SCGB2B2: variants seen among roughly 807,000 people sequenced by gnomAD.
The protein encoded by SCGB2B2 is secretoglobin-like protein.
Under a neutral mutation model 7.6 loss-of-function variants are expected in SCGB2B2, and 11 were observed. The ratio of observed to expected loss-of-function variants is 1.45; its 90% confidence interval spans 0.91 to 2.40. SCGB2B2 has a LOEUF of 2.40. Among genes scored for constraint, SCGB2B2 ranks in the 30% most tolerant of loss-of-function variants. The pLI is 0.00. For synonymous variants in SCGB2B2, 50 were observed against 48.6 expected (o/e 1.03, Z -0.12); for missense variants, 104 against 115.4 (o/e 0.90, Z 0.45).
chr19:34,666,425 T>C (rs1347167304), intron 1 of SCGB2B2, among the ~76,000 whole-genome samples: 1 of 151,930 alleles, frequency 6.6e-6, no homozygotes, highest in African/African-American at 2.4e-5. Flanking sequence ...TCGCCCCACA[T>C]ACAATGTGAC....
At chr19:34,647,990 T>C (rs2067066962) in intron 1 of SCGB2B2, among the ~76,000 whole-genome samples, 1 of 152,112 alleles carries the variant, frequency 6.6e-6, no homozygotes, top group Non-Finnish European at 1.5e-5. Flanking sequence ...ATGGCCAGTG[T>C]ACCTGGAACA....
chr19:34,606,771 CAGTT>C (rs1271496820), intron 1 of SCGB2B2, among the ~76,000 whole-genome samples: 9 of 150,722 alleles, frequency 6.0e-5, no homozygotes, highest in Non-Finnish European at 8.8e-5. Flanking sequence ...ATCTCTCACT[CAGTT>C]AATTTATAAA....
intron 1 of SCGB2B2, among the ~76,000 whole-genome samples, chr19:34,631,498 A>T (rs2066534311): frequency 6.6e-6 from 1 of 152,182 alleles, no homozygotes; most frequent in Admixed American, 6.5e-5. Flanking sequence ...ACAATGACTA[A>T]TTTAAAATTG....
In SCGB2B2 at chr19:34,613,350, T is replaced by C. The variant is rs750953563; in HGVS notation, c.-2031-16756A>G. 1.3e-3 allele frequency among the ~76,000 whole-genome samples: 194 copies of C among 152,278 alleles called. 1 individual carries two copies. Among genetic ancestry groups the C allele is most frequent in the Non-Finnish European group, 2.4e-3 (161 of 67,994 alleles). On this transcript the variant is annotated intron_variant, in intron 1 of 3. Coordinates refer to ENST00000601241, the MANE Select transcript of SCGB2B2 (RefSeq NM_001025591.4). The stretch of plus-strand genomic sequence containing the variant: ...CTGACCTCAAGTGATCTGTCCCCCT[T>C]GGCCTCCCAAAGTGCTGGGATTACA...
chr19:34,601,536 C>T (rs1216733894), intron 1 of SCGB2B2, among the ~76,000 whole-genome samples: 7 of 152,146 alleles, frequency 4.6e-5, no homozygotes, highest in Admixed American at 4.6e-4. Flanking sequence ...TATCTCTGTA[C>T]CACTCATATG....
intron 1 of SCGB2B2, among the ~76,000 whole-genome samples, chr19:34,625,150 T>C (rs866556106): frequency 2.6e-5 from 4 of 152,158 alleles, no homozygotes; most frequent in Admixed American, 2.0e-4. Flanking sequence ...GGAGCCAAGA[T>C]GGCCGAATAA....
chr19:34,599,468 G>C (rs2065556181), intron 1 of SCGB2B2, among the ~76,000 whole-genome samples: 1 of 152,232 alleles, frequency 6.6e-6, no homozygotes, highest in South Asian at 2.1e-4. Context: ...AAGGTGAAAG[G>C]CATATCTCAC....
chr19:34,625,696 G>C (rs897735532), intron 1 of SCGB2B2, among the ~76,000 whole-genome samples: 4 of 152,208 alleles, frequency 2.6e-5, no homozygotes, highest in African/African-American at 7.2e-5. Context: ...TCTAGGGGCA[G>C]GGCATATCCA....
At chr19:34,631,277 A>G (rs1221000419) in intron 1 of SCGB2B2, among the ~76,000 whole-genome samples, 2 of 151,722 alleles carry the variant, frequency 1.3e-5, no homozygotes, top group African/African-American at 4.8e-5. Context: ...AAAAAGAGAA[A>G]TTTGTAAACT....
intron 1 of SCGB2B2, among the ~76,000 whole-genome samples, chr19:34,657,127 A>G (rs975974681): frequency 6.6e-6 from 1 of 151,392 alleles, no homozygotes; most frequent in Non-Finnish European, 1.5e-5. Context: ...TGGCAGCACG[A>G]ACATTTATAA....
chr19:34,621,789 C>G (rs2066249306), intron 1 of SCGB2B2, among the ~76,000 whole-genome samples: 1 of 152,300 alleles, frequency 6.6e-6, no homozygotes, highest in Non-Finnish European at 1.5e-5. Flanking sequence ...AAACTTTTAT[C>G]CTTTTACCAG....
chr19:34,589,721 A>G (rs1009752171), downstream of SCGB2B2, among the ~76,000 whole-genome samples: 2 of 151,908 alleles, frequency 1.3e-5, no homozygotes, highest in Non-Finnish European at 2.9e-5. Context: ...CATGGACCAG[A>G]TCCCAGGGCA....
At chr19:34,647,593 A>T (rs2067054677) in intron 1 of SCGB2B2, among the ~76,000 whole-genome samples, 1 of 151,998 alleles carries the variant, frequency 6.6e-6, no homozygotes, top group South Asian at 2.1e-4. Context: ...AATTGCCTTC[A>T]CTTAACACAC....
intron 1 of SCGB2B2, among the ~76,000 whole-genome samples, chr19:34,610,519 G>A (rs1169939615): frequency 1.3e-5 from 2 of 152,110 alleles, no homozygotes; most frequent in Admixed American, 1.3e-4. Context: ...CTATAATGAA[G>A]CATTGTTGAC....
intron 1 of SCGB2B2, among the ~76,000 whole-genome samples, chr19:34,638,453 A>C (rs1455831266): frequency 7.3e-5 from 11 of 151,456 alleles, no homozygotes; most frequent in Middle Eastern, 3.4e-3. Flanking sequence ...CAAAACAAAA[A>C]AAAAAAGGAA....
chr19:34,664,566 C>T (rs1481194475), intron 1 of SCGB2B2, among the ~76,000 whole-genome samples: 2 of 152,180 alleles, frequency 1.3e-5, no homozygotes, highest in Non-Finnish European at 2.9e-5. Context: ...CCACAGACCC[C>T]ACTCCACGCT....
At position 34,608,684 on chromosome 19, in the gene SCGB2B2, T is replaced by TATATATATATATATATAC. The variant is rs879668084; in HGVS notation, c.-2031-12091_-2031-12090insGTATATATATATATATAT. 1.8e-3 allele frequency: 229 copies of TATATATATATATATATAC among 126,458 alleles called. 4 individuals carry two copies. Among genetic ancestry groups the TATATATATATATATATAC allele is most frequent in the Middle Eastern group, 4.3e-3 (1 of 234 alleles). 7.8% of individuals were successfully genotyped at this position (126,458 alleles called of 1,614,324 possible). A position where few individuals can be genotyped will look rare whatever the true frequency, so the allele number is the denominator to read the frequency against. On this transcript the variant is annotated intron_variant, in intron 1 of 3. Coordinates refer to ENST00000601241, the MANE Select transcript of SCGB2B2 (RefSeq NM_001025591.4). ...GCATATATATATATATATATATATA[T>TATATATATATATATATAC]ACCGTATTTTCTTCATCTTTTCACT... is the stretch of plus-strand genomic sequence containing the variant.
intron 1 of SCGB2B2, among the ~76,000 whole-genome samples, chr19:34,674,832 C>T (rs111276523): frequency 0.016 from 2,491 of 152,288 alleles, 42 homozygotes; most frequent in South Asian, 0.084. Flanking sequence ...ATGCCAAACT[C>T]CAGAAAACAC....
At chr19:34,607,786 A>G (rs1195956477) in intron 1 of SCGB2B2, among the ~76,000 whole-genome samples, 1 of 152,212 alleles carries the variant, frequency 6.6e-6, no homozygotes, top group African/African-American at 2.4e-5. Flanking sequence ...CCCATTTTTA[A>G]TTGGATTGTT....
Sources: allele counts gnomAD v4.1 joint callset (sites outside exome capture counted in the v4.1 genomes callset), GRCh38; gene constraint gnomAD v4.1.1; transcripts MANE v1.5; gene names NCBI Gene and HGNC (gene_info 2026-07-23, HGNC 2026-07-21).